Variants in ZNF566 observed in about 807,000 individuals in gnomAD.
ZNF566 encodes the protein zinc finger protein 566.
ZNF566 carries 27 observed loss-of-function variants against 32.8 expected under a neutral mutation model. The observed-to-expected ratio is 0.82, with a 90% CI of 0.61 to 1.14. The LOEUF is 1.14. ZNF566 is among the 50% of genes most tolerant of loss of function. The probability of loss-of-function intolerance (pLI) is 0.00; values close to 1 mark genes in which losing one functional copy is unlikely to be tolerated. For missense variants in ZNF566, 402 were observed against 490.4 expected (o/e 0.82, Z 1.70); for synonymous variants, 154 against 159.5 (o/e 0.97, Z 0.26).
chr19:36,464,472 T>C (rs1034180426), intron 4 of ZNF566, among the ~76,000 whole-genome samples: 1 of 152,122 alleles, frequency 6.6e-6, no homozygotes, highest in Non-Finnish European at 1.5e-5. Context: ...GTTTTCTATA[T>C]AGGAAAAATA....
chr19:36,473,761 A>G (rs1395407471), intron 2 of ZNF566, among the ~76,000 whole-genome samples: 1 of 152,202 alleles, frequency 6.6e-6, no homozygotes, highest in Non-Finnish European at 1.5e-5. Context: ...TGTATATGCA[A>G]TGCCTCACAC....
intron 1 of ZNF566, among the ~76,000 whole-genome samples, chr19:36,485,924 C>A (rs145338370): frequency 2.7e-5 from 4 of 147,580 alleles, no homozygotes; most frequent in East Asian, 2.0e-4. Context: ...CGTGGTGGTG[C>A]GCTCCTATAG....
At chr19:36,457,855 C>T (rs1203199394) in intron 4 of ZNF566, among the ~76,000 whole-genome samples, 1 of 152,178 alleles carries the variant, frequency 6.6e-6, no homozygotes, top group Non-Finnish European at 1.5e-5. Flanking sequence ...TGCACCACTG[C>T]ACTCCAGCCT....
chr19:36,456,463 G>C (rs2033316529), intron 4 of ZNF566: 1 of 150,408 alleles, frequency 6.6e-6, no homozygotes, highest in Non-Finnish European at 1.5e-5. Context: ...TGAGGCAGAA[G>C]AATTGCTTGA....
chr19:36,467,524 C>T (rs1356099399), intron 4 of ZNF566, among the ~76,000 whole-genome samples: 11 of 147,694 alleles, frequency 7.4e-5, no homozygotes, highest in Admixed American at 3.4e-4. Context: ...TGGCCGGGCA[C>T]GGTGGCTCAA....
At chr19:36,473,691 C>T (rs2033819568) in intron 2 of ZNF566, among the ~76,000 whole-genome samples, 1 of 152,116 alleles carries the variant, frequency 6.6e-6, no homozygotes, top group Non-Finnish European at 1.5e-5. Context: ...CTCCATTATC[C>T]AAACAAGGTT....
chr19:36,470,676 C>T lies in ZNF566; in HGVS notation c.232+2235G>A, dbSNP rs190157146. On this transcript the variant is annotated intron_variant, in intron 4 of 4. Transcript: ENST00000452939. ...CTGTTATCCCAGCACGTTGGGAGGC[C>T]GAGGTGGGAGGATCACCTGAGGTCA... Among the ~76,000 whole-genome samples the T allele has an allele frequency of 4.9e-3, 743 of 152,240 alleles. 5 individuals are homozygous for T. Among genetic ancestry groups the T allele is most frequent in the African/African-American group, 0.017 (698 of 41,544 alleles).
intron 4 of ZNF566, among the ~76,000 whole-genome samples, chr19:36,460,072 G>A (rs1369092983): frequency 6.6e-6 from 1 of 152,010 alleles, no homozygotes; most frequent in Admixed American, 6.6e-5. Context: ...CTCCCAAAGT[G>A]CTGGGATTAC....
rs747826565 is a variant in ZNF566 at position 36,449,097 on chromosome 19, A to C, written c.1137T>G (p.Ser379Arg). 1.2e-6 allele frequency: 2 copies of C among 1,613,912 alleles called. No individual in the cohort carries two copies. Among genetic ancestry groups the C allele is most frequent in the South Asian group, 1.1e-5 (1 of 91,072 alleles). Reference sequence around the variant, plus strand: ...TTCTATGATGACTAATAAGCTGTGAACTCTGAGAATAAGCCTTCCCACATA... The same window carrying C: ...TTCTATGATGACTAATAAGCTGTGACCTCTGAGAATAAGCCTTCCCACATA... ...CKICGKAYSQ[S>R]SQLISHHRIH... is the part of the protein sequence containing the mutation. The change falls in exon 5 of 5, where the codon AGT becomes AGG. Residue 379 changes from serine to arginine, a missense_variant. Transcript: ENST00000452939.
Position 36,448,831 on chromosome 19 carries a change from A to G in ZNF566, c.*146T>C, listed in dbSNP as rs2033060603. The G allele has an allele frequency of 1.4e-6, 1 of 697,106 alleles. No individual in the cohort carries two copies. Among genetic ancestry groups the G allele is most frequent in the Admixed American group, 3.4e-5 (1 of 29,500 alleles). 43.2% of individuals were successfully genotyped at this position (697,106 alleles called of 1,614,324 possible). A position where few individuals can be genotyped will look rare whatever the true frequency, so the allele number is the denominator to read the frequency against. On this transcript the variant is annotated 3_prime_UTR_variant, in exon 5 of 5. Coordinates refer to ENST00000452939, the MANE Select transcript of ZNF566 (RefSeq NM_001145344.1). ...TATTCTATTCATAGAGTATTTCTCC[A>G]ACATTATTTTTCCCAGGCTGAATAA...
chr19:36,453,501 AAATAAATT>A (rs1305600563), intron 4 of ZNF566, among the ~76,000 whole-genome samples: 2,792 of 140,484 alleles, frequency 0.02, 95 homozygotes, highest in African/African-American at 0.068. Context: ...ATAAATAAAT[AAATAAATT>A]AATTAATTAA....
rs767741591 is a variant in ZNF566, at chr19:36,477,526, G to GTTTTTTTTTTTTTT, written c.-59-911_-59-910insAAAAAAAAAAAAAA. On this transcript the variant is annotated intron_variant, in intron 1 of 4. Transcript: ENST00000452939. Reference sequence around the variant, plus strand: ...TGGGTCAAACCAGTTTTCTGTTTCTGTTTTTTTTTTGTTTGTTTGTTTGTT... The same window carrying GTTTTTTTTTTTTTT: ...TGGGTCAAACCAGTTTTCTGTTTCTGTTTTTTTTTTTTTTTTTTTTTTTTGTTTGTTTGTTTGTT... 4.8e-4 allele frequency among the ~76,000 whole-genome samples: 51 copies of GTTTTTTTTTTTTTT among 107,018 alleles called. 10 individuals are homozygous for GTTTTTTTTTTTTTT. Among genetic ancestry groups the GTTTTTTTTTTTTTT allele is most frequent in the Non-Finnish European group, 6.5e-4 (33 of 50,996 alleles). 70.2% of individuals were successfully genotyped at this position (107,018 alleles called of 152,430 possible). A position where few individuals can be genotyped will look rare whatever the true frequency, so the allele number is the denominator to read the frequency against.
At chr19:36,457,712 T>C (rs760850679) in intron 4 of ZNF566, among the ~76,000 whole-genome samples, 1 of 152,136 alleles carries the variant, frequency 6.6e-6, no homozygotes, top group Non-Finnish European at 1.5e-5. Flanking sequence ...ACCAACATGA[T>C]GAAATCCCAT....
At chr19:36,480,038 G>T (rs1306963660) in intron 1 of ZNF566, among the ~76,000 whole-genome samples, 1 of 151,986 alleles carries the variant, frequency 6.6e-6, no homozygotes, top group Non-Finnish European at 1.5e-5. Context: ...CCCCAGCAAG[G>T]CTTTGGGGGG....
chr19:36,451,511 T>C (rs1337287600), intron 4 of ZNF566, among the ~76,000 whole-genome samples: 1 of 152,140 alleles, frequency 6.6e-6, no homozygotes, highest in Non-Finnish European at 1.5e-5. Context: ...GAGAGTAAAA[T>C]GGAAGGCAGT....
At chr19:36,453,500 TAAATA>T (rs1568510918) in intron 4 of ZNF566, among the ~76,000 whole-genome samples, 52 of 126,658 alleles carry the variant, frequency 4.1e-4, no homozygotes, top group Admixed American at 1.4e-3. Context: ...AATAAATAAA[TAAATA>T]AATTAATTAA....
At chr19:36,482,517 AC>A (rs1283640293) in intron 1 of ZNF566, among the ~76,000 whole-genome samples, 7 of 152,194 alleles carry the variant, frequency 4.6e-5, no homozygotes, top group Admixed American at 1.3e-4. Context: ...AAAAAAAAAA[AC>A]ATACTGAAAA....
At chr19:36,476,871 C>T (rs2033899608) in intron 1 of ZNF566, among the ~76,000 whole-genome samples, 1 of 152,012 alleles carries the variant, frequency 6.6e-6, no homozygotes, top group Non-Finnish European at 1.5e-5. Flanking sequence ...ATTTTTTTAA[C>T]TCATATTATA....
intron 4 of ZNF566, among the ~76,000 whole-genome samples, chr19:36,450,867 T>C (rs2033140063): frequency 1.3e-5 from 2 of 152,202 alleles, no homozygotes; most frequent in African/African-American, 2.4e-5. Flanking sequence ...GTAGTTATGA[T>C]AGAGAATGTG....
Sources: allele counts gnomAD v4.1 joint callset (sites outside exome capture counted in the v4.1 genomes callset), GRCh38; gene constraint gnomAD v4.1.1; transcripts MANE v1.5; gene names NCBI Gene and HGNC (gene_info 2026-07-23, HGNC 2026-07-21).